ICA1: variants seen among roughly 807,000 people sequenced by gnomAD.
The protein encoded by ICA1 is 69 kDa islet cell autoantigen.
A neutral mutation model predicts 71.0 loss-of-function variants in ICA1; 40 were observed. The observed-to-expected ratio is 0.56, with a 90% CI of 0.44 to 0.73. The LOEUF is 0.73. Ranked by LOEUF, ICA1 falls within the 30% of genes least tolerant of loss-of-function variation. ICA1 has a pLI of 0.00. For synonymous variants in ICA1, 207 were observed against 209.5 expected (o/e 0.99, Z 0.10); for missense variants, 578 against 576.5 (o/e 1.00, Z -0.03).
intron 8 of ICA1, among the ~76,000 whole-genome samples, chr7:8,155,406 A>G (rs1801142776): frequency 6.6e-6 from 1 of 152,216 alleles, no homozygotes; most frequent in Non-Finnish European, 1.5e-5. Context: ...TAAACGTCGT[A>G]GCAAAAATTA....
chr7:8,220,419 T>G (rs1796690604), intron 5 of ICA1, among the ~76,000 whole-genome samples: 1 of 152,192 alleles, frequency 6.6e-6, no homozygotes, highest in Admixed American at 6.5e-5. Flanking sequence ...CAAGGAGACA[T>G]TAACAGAAGA....
chr7:8,229,659 T>C (rs1799660913), intron 3 of ICA1, among the ~76,000 whole-genome samples: 1 of 152,232 alleles, frequency 6.6e-6, no homozygotes, highest in African/African-American at 2.4e-5. Context: ...TGTTTCATTA[T>C]AAATATGACT....
At chr7:8,193,153 T>C (rs1562935794) in intron 6 of ICA1, among the ~76,000 whole-genome samples, 1 of 152,338 alleles carries the variant, frequency 6.6e-6, no homozygotes, top group East Asian at 1.9e-4. Context: ...TGTAAACAAA[T>C]GTGTGCATAT....
intron 8 of ICA1, among the ~76,000 whole-genome samples, chr7:8,146,107 C>A (rs2128138790): frequency 6.6e-6 from 1 of 152,254 alleles, no homozygotes; most frequent in South Asian, 2.1e-4. Flanking sequence ...TGAGCACTAC[C>A]CAATGACAGG....
chr7:8,193,163 T>C (rs995326238), intron 6 of ICA1, among the ~76,000 whole-genome samples: 13 of 152,168 alleles, frequency 8.5e-5, no homozygotes, highest in Middle Eastern at 3.2e-3. Flanking sequence ...TGTGTGCATA[T>C]CCACAAGTAC....
At chr7:8,117,061 G>A (rs12539830) in intron 13 of ICA1, among the ~76,000 whole-genome samples, 16 of 152,038 alleles carry the variant, frequency 1.1e-4, no homozygotes, top group African/African-American at 2.2e-4. Flanking sequence ...GTGAATTCTC[G>A]CGAGATCTGA....
chr7:8,225,214 G>C lies in ICA1; in HGVS notation c.256+3387C>G, dbSNP rs576962781. ...GTGTTTGCCTAATGGTGATTTTGTA[G>C]TTCCCTCATTCTTTCTATTAATTAA... On this transcript the variant is annotated intron_variant, in intron 4 of 13. Transcript: ENST00000402384. 5.1e-4 allele frequency among the ~76,000 whole-genome samples: 78 copies of C among 152,248 alleles called. 1 individual carries two copies. In the South Asian group the frequency reaches 0.016, roughly 30 times the overall value.
intron 6 of ICA1, among the ~76,000 whole-genome samples, chr7:8,163,611 T>C (rs1319407765): frequency 6.6e-6 from 1 of 152,230 alleles, no homozygotes. Context: ...CCAAGGAATC[T>C]GACCCAGAGG....
chr7:8,259,530 T>G (rs1811492105), intron 1 of ICA1, among the ~76,000 whole-genome samples: 1 of 152,208 alleles, frequency 6.6e-6, no homozygotes, highest in Non-Finnish European at 1.5e-5. Context: ...GGATAGCATA[T>G]GTTTAGCATG....
In ICA1 at chr7:8,221,255, C is replaced by T. The variant is rs748393805; in HGVS notation, c.380+20G>A. ...TCTCCTCAGATCCCCCCAGATAGAA[C>T]CCCACTAAAGGCCACACACCTTTGC... is the stretch of plus-strand genomic sequence containing the variant. On this transcript the variant is annotated intron_variant, in intron 5 of 13. Transcript: ENST00000402384. The T allele has an allele frequency of 1.2e-6, 2 of 1,612,932 alleles. No individual in the cohort carries two copies. Among genetic ancestry groups the T allele is most frequent in the Non-Finnish European group, 1.7e-6 (2 of 1,179,288 alleles).
chr7:8,200,007 G>T (rs1191433380), intron 6 of ICA1, among the ~76,000 whole-genome samples: 3 of 151,834 alleles, frequency 2.0e-5, no homozygotes, highest in Non-Finnish European at 4.4e-5. Flanking sequence ...CACAACAGGG[G>T]GACTACAGTG....
chr7:8,168,415 T>C (rs1043972709), intron 6 of ICA1, among the ~76,000 whole-genome samples: 4 of 152,144 alleles, frequency 2.6e-5, no homozygotes, highest in Admixed American at 2.0e-4. Flanking sequence ...CAGATACTCA[T>C]CTGACAAATA....
chr7:8,244,352 T>C (rs144965195), intron 1 of ICA1, among the ~76,000 whole-genome samples: 3,062 of 152,192 alleles, frequency 0.02, 105 homozygotes, highest in African/African-American at 0.069. Flanking sequence ...ACTGGCTAGC[T>C]ATATGTAGAA....
intron 12 of ICA1, among the ~76,000 whole-genome samples, chr7:8,131,015 G>A (rs1791251080): frequency 1.3e-5 from 2 of 152,154 alleles, no homozygotes; most frequent in East Asian, 3.9e-4. Context: ...AGGCTGGCCA[G>A]AGTCCTCCAT....
At position 8,156,873 on chromosome 7, in the gene ICA1, T is replaced by A. The variant is rs776929794; in HGVS notation, c.804+243A>T. 57 of 1,516,408 alleles carry A rather than the reference T, an allele frequency of 3.8e-5. No homozygotes were observed. The South Asian group carries it at 6.8e-4, about 18-fold the overall frequency. The allele number at this position is 1,516,408 out of a possible 1,614,324, so 93.9% of individuals were successfully genotyped here. A position where few individuals can be genotyped will look rare whatever the true frequency, so the allele number is the denominator to read the frequency against. On this transcript the variant is annotated intron_variant, in intron 8 of 13. Transcript: ENST00000402384. ...GGAACATGTATCTCAAGGTTCAAGG[T>A]TCAATTCGCGCTTTTGGATTGCAGT...
intron 1 of ICA1, among the ~76,000 whole-genome samples, chr7:8,252,999 C>G (rs1211082483): frequency 6.6e-6 from 1 of 152,116 alleles, no homozygotes; most frequent in African/African-American, 2.4e-5. Context: ...GCATGGCACA[C>G]GCCACAGCCC....
chr7:8,235,080 C>T (rs10277597), intron 2 of ICA1, among the ~76,000 whole-genome samples: 59,578 of 151,786 alleles, frequency 0.39, 11,915 homozygotes, highest in African/African-American at 0.41. Context: ...AGGAGAATCA[C>T]TTGAACCAGG....
chr7:8,137,372 A>G (rs1212004938), intron 12 of ICA1, among the ~76,000 whole-genome samples: 4 of 152,230 alleles, frequency 2.6e-5, no homozygotes, highest in Non-Finnish European at 4.4e-5. Context: ...AAAGTAAGTT[A>G]AAGCACGTGA....
chr7:8,230,986 G>C (rs1327867485), intron 3 of ICA1, among the ~76,000 whole-genome samples: 1 of 152,170 alleles, frequency 6.6e-6, no homozygotes, highest in Non-Finnish European at 1.5e-5. Context: ...TGGAGGGAAG[G>C]TGGGCAAACA....
Sources: gnomAD v4.1 joint callset for allele counts (sites outside exome capture counted in the v4.1 genomes callset) on GRCh38, gnomAD v4.1.1 for gene constraint, MANE v1.5 for transcripts, NCBI Gene and HGNC (gene_info 2026-07-23, HGNC 2026-07-21) for gene names.